Variants in AGO2 observed in about 807,000 individuals in gnomAD.
AGO2 encodes the protein protein argonaute-2.
AGO2 carries 5 observed loss-of-function variants against 102.3 expected under a neutral mutation model. The observed-to-expected ratio is 0.05, with a 90% CI of 0.03 to 0.10. The LOEUF (loss-of-function observed/expected upper bound fraction) is 0.10. Among genes scored for constraint, AGO2 ranks in the 10% least tolerant of loss-of-function variants. The pLI is 1.00. For missense variants in AGO2, 541 were observed against 1,183.7 expected, an observed-to-expected ratio of 0.46 and a Z score of 7.97; for synonymous variants, 449 against 473.1, an observed-to-expected ratio of 0.95 and a Z score of 0.66.
chr8:140,538,513 C>G (rs1271507745), intron 16 of AGO2, among the ~76,000 whole-genome samples: 1 of 152,236 alleles, frequency 6.6e-6, no homozygotes, highest in African/African-American at 2.4e-5. Flanking sequence ...GAATTCTCAG[C>G]TCTTCTATCT....
At chr8:140,603,245 T>G (rs2073955040) in intron 1 of AGO2, among the ~76,000 whole-genome samples, 1 of 152,056 alleles carries the variant, frequency 6.6e-6, no homozygotes, top group African/African-American at 2.4e-5. Flanking sequence ...CATCGGGAAG[T>G]CTGTCAGCCA....
intron 1 of AGO2, among the ~76,000 whole-genome samples, chr8:140,624,055 G>T (rs2074246340): frequency 6.6e-6 from 1 of 152,138 alleles, no homozygotes; most frequent in Non-Finnish European, 1.5e-5. Context: ...AGCCAGGAAG[G>T]TGCAGGGCGA....
intron 1 of AGO2, among the ~76,000 whole-genome samples, chr8:140,609,825 T>C (rs1300057900): frequency 6.6e-6 from 1 of 151,484 alleles, no homozygotes; most frequent in Non-Finnish European, 1.5e-5. Context: ...GGCTCACACC[T>C]GTAATCCCGG....
At chr8:140,639,567 T>C (rs898442318), upstream of AGO2, among the ~76,000 whole-genome samples, 5 of 151,130 alleles carry the variant, frequency 3.3e-5, no homozygotes, top group African/African-American at 4.9e-5. Context: ...GAGGATTGCT[T>C]GAGGCCACGA....
intron 2 of AGO2, among the ~76,000 whole-genome samples, chr8:140,579,711 T>C (rs2073525119): frequency 6.6e-6 from 1 of 152,042 alleles, no homozygotes. Flanking sequence ...CTCCTTGAGA[T>C]ATAGAGACTG....
At position 140,557,680 on chromosome 8, in the gene AGO2, C is replaced by T. The variant is rs767182705; in HGVS notation, c.879-444G>A. On this transcript the variant is annotated intron_variant, in intron 7 of 18. Transcript: ENST00000220592. This position sits in a 1 kb window ranked among gnomAD's most constrained non-coding sequence, Gnocchi z 5.9. The stretch of plus-strand genomic sequence containing the variant: ...CCGGCCGCACGGTGACGGCAGGAGA[C>T]GCCTGGGTGCAGTATGGGTGAGTGA... 2.1e-4 allele frequency among the ~76,000 whole-genome samples: 32 copies of T among 152,218 alleles called. No individual in the cohort carries two copies. The highest frequency in any genetic ancestry group is 1.3e-4 in the Non-Finnish European group (9 of 68,038).
intron 1 of AGO2, among the ~76,000 whole-genome samples, chr8:140,610,028 TAA>T (rs55637374): frequency 1.6e-5 from 2 of 126,570 alleles, no homozygotes; most frequent in East Asian, 2.8e-4. Flanking sequence ...ACCTTGACTC[TAA>T]AAAAAAAAAA....
intron 2 of AGO2, among the ~76,000 whole-genome samples, chr8:140,579,486 C>T (rs78063017): frequency 0.03 from 4,599 of 152,162 alleles, 205 homozygotes; most frequent in African/African-American, 0.1. Flanking sequence ...ACTACAGACA[C>T]GGTAATCATG....
chr8:140,634,356 C>G (rs937120958), intron 1 of AGO2, among the ~76,000 whole-genome samples: 1 of 152,274 alleles, frequency 6.6e-6, no homozygotes, highest in African/African-American at 2.4e-5. Context: ...AGGGCAGCAT[C>G]GGGAATGCGA....
chr8:140,537,040 T>A (rs1184040474), intron 16 of AGO2, among the ~76,000 whole-genome samples: 2 of 152,260 alleles, frequency 1.3e-5, no homozygotes, highest in East Asian at 3.8e-4. Flanking sequence ...CTTTGTGATT[T>A]CTATTCTTGT....
At chr8:140,599,735 TC>T (rs1034063816) in intron 1 of AGO2, among the ~76,000 whole-genome samples, 1 of 152,102 alleles carries the variant, frequency 6.6e-6, no homozygotes, top group Non-Finnish European at 1.5e-5. Flanking sequence ...TGTTTGTTTT[TC>T]CCCGAGACAA....
chr8:140,563,825 G>A (rs1254916995), intron 3 of AGO2, among the ~76,000 whole-genome samples: 2 of 152,164 alleles, frequency 1.3e-5, no homozygotes, highest in Admixed American at 6.5e-5. Flanking sequence ...ACATTTGCTC[G>A]CTCGCCCACT....
intron 2 of AGO2, among the ~76,000 whole-genome samples, chr8:140,582,279 C>T (rs976496803): frequency 1.3e-5 from 2 of 152,050 alleles, no homozygotes; most frequent in African/African-American, 4.8e-5. Context: ...GAAATAGATC[C>T]ACCCACATAT....
chr8:140,639,643 C>G (rs901665980), upstream of AGO2, among the ~76,000 whole-genome samples: 2 of 151,974 alleles, frequency 1.3e-5, no homozygotes, highest in African/African-American at 4.8e-5. Flanking sequence ...CATGGTGGCA[C>G]ACATCTGTAG....
chr8:140,630,082 C>G (rs2074323987), intron 1 of AGO2, among the ~76,000 whole-genome samples: 1 of 152,154 alleles, frequency 6.6e-6, no homozygotes, highest in Non-Finnish European at 1.5e-5. Flanking sequence ...TTGGAAAGAA[C>G]TACTGGCAAC....
intron 2 of AGO2, among the ~76,000 whole-genome samples, chr8:140,575,044 C>T (rs2073442778): frequency 6.6e-6 from 1 of 152,206 alleles, no homozygotes; most frequent in Non-Finnish European, 1.5e-5. Context: ...GCCCTCAACA[C>T]CTGCGGTCTG....
At chr8:140,642,203 G>A in the AGO2 span, among the ~76,000 whole-genome samples, 2 of 152,136 alleles carry the variant, frequency 1.3e-5, no homozygotes, top group African/African-American at 2.4e-5. Flanking sequence ...GGATTGGGAC[G>A]CTGGGGAGAC....
chr8:140,534,608 T>C (rs928274291), intron 17 of AGO2, among the ~76,000 whole-genome samples: 1 of 152,252 alleles, frequency 6.6e-6, no homozygotes, highest in East Asian at 1.9e-4. Context: ...ATTCCTTCTC[T>C]GTCAGGCATG....
chr8:140,575,643 T>A (rs1214490153), intron 2 of AGO2, among the ~76,000 whole-genome samples: 2 of 152,134 alleles, frequency 1.3e-5, no homozygotes, highest in Admixed American at 1.3e-4. Context: ...GCAAAACCTT[T>A]AGGTTGAAAC....
Sources: allele counts gnomAD v4.1 joint callset (sites outside exome capture counted in the v4.1 genomes callset), GRCh38; gene constraint gnomAD v4.1.1; non-coding constraint Gnocchi (gnomAD v3.1); transcripts MANE v1.5; gene names NCBI Gene and HGNC (gene_info 2026-07-23, HGNC 2026-07-21).